Variants in MYO3B observed in about 807,000 individuals in gnomAD.
The protein encoded by MYO3B is myosin-IIIb.
In MYO3B, 156 loss-of-function variants were observed where a neutral mutation model predicts 174.6. The ratio of observed to expected loss-of-function variants is 0.89; its 90% confidence interval spans 0.78 to 1.02. The LOEUF is 1.02. MYO3B is among the 50% of genes least tolerant of loss of function. The pLI is 0.00. For synonymous variants in MYO3B, 563 were observed against 569.1 expected (o/e 0.99, Z 0.15); for missense variants, 1,632 against 1,639.4 (o/e 1.00, Z 0.08).
chr2:170,516,626 G>C (rs1397346766), intron 29 of MYO3B, among the ~76,000 whole-genome samples: 1 of 143,754 alleles, frequency 7.0e-6, no homozygotes, highest in Non-Finnish European at 1.5e-5. Context: ...CTGGGCAACA[G>C]AGCCAGACTC....
intron 7 of MYO3B, among the ~76,000 whole-genome samples, chr2:170,287,323 G>A (rs745889852): frequency 4.6e-5 from 7 of 151,842 alleles, no homozygotes; most frequent in Non-Finnish European, 1.0e-4. Flanking sequence ...CATAGTGGCT[G>A]TACTAATTTG....
At chr2:170,547,637 TTTGG>T (rs745407098) in intron 32 of MYO3B, among the ~76,000 whole-genome samples, 52 of 152,206 alleles carry the variant, frequency 3.4e-4, no homozygotes, top group Non-Finnish European at 4.3e-4. Context: ...AAGGCCAGTT[TTTGG>T]TTGGTTGTTT....
chr2:170,650,859 T>C (rs1698956191), intron 32 of MYO3B, among the ~76,000 whole-genome samples: 1 of 151,722 alleles, frequency 6.6e-6, no homozygotes, highest in Admixed American at 6.6e-5. Flanking sequence ...AATTTTTGTA[T>C]TTTTAGTAGA....
At chr2:170,511,630 T>C (rs745881495) in intron 28 of MYO3B, among the ~76,000 whole-genome samples, 3 of 152,242 alleles carry the variant, frequency 2.0e-5, no homozygotes, top group Non-Finnish European at 4.4e-5. Context: ...AGATAGAAGC[T>C]AGGAAATCTC....
At chr2:170,430,588 T>G (rs2094701174) in intron 22 of MYO3B, among the ~76,000 whole-genome samples, 1 of 152,130 alleles carries the variant, frequency 6.6e-6, no homozygotes, top group South Asian at 2.1e-4. Context: ...TCCAGGCTGG[T>G]CTTGAACTCT....
At chr2:170,443,803 T>G (rs1289789547) in intron 22 of MYO3B, among the ~76,000 whole-genome samples, 164 bp from the exon 23 acceptor site, 1 of 151,604 alleles carries the variant, frequency 6.6e-6, no homozygotes, top group East Asian at 1.9e-4. Flanking sequence ...TATTATAATT[T>G]ATAATTTATA....
intron 32 of MYO3B, among the ~76,000 whole-genome samples, chr2:170,621,561 G>A (rs1038975358): frequency 1.3e-5 from 2 of 150,958 alleles, no homozygotes; most frequent in African/African-American, 4.9e-5. Context: ...CCAGGCTGGA[G>A]TGCAGTGGTG....
intron 25 of MYO3B, among the ~76,000 whole-genome samples, chr2:170,492,054 A>C (rs941963862): frequency 1.2e-5 from 1 of 80,162 alleles, no homozygotes; most frequent in African/African-American, 3.6e-5. Context: ...ACTCCGTCTC[A>C]AAAAAAAAAA....
intron 32 of MYO3B, among the ~76,000 whole-genome samples, chr2:170,585,829 A>T (rs1178836168): frequency 2.0e-5 from 3 of 152,074 alleles, no homozygotes; most frequent in Admixed American, 6.5e-5. Flanking sequence ...AGGCGGGTGG[A>T]TCACTTGAGG....
chr2:170,222,603 A>G (rs1290910348), intron 6 of MYO3B, among the ~76,000 whole-genome samples: 1 of 152,076 alleles, frequency 6.6e-6, no homozygotes, highest in Non-Finnish European at 1.5e-5. Context: ...GTGTCTTCAC[A>G]TGTCCATGAC....
chr2:170,226,380 G>A (rs1042413160), intron 6 of MYO3B, among the ~76,000 whole-genome samples: 1 of 152,222 alleles, frequency 6.6e-6, no homozygotes, highest in African/African-American at 2.4e-5. Flanking sequence ...CAAAGAAACA[G>A]ATTCCTTCTC....
intron 16 of MYO3B, among the ~76,000 whole-genome samples, chr2:170,399,667 G>A (rs946841690): frequency 2.0e-5 from 3 of 152,024 alleles, no homozygotes; most frequent in Non-Finnish European, 2.9e-5. Flanking sequence ...TCATAAAAGC[G>A]ATATTCAAAA....
At chr2:170,299,792 T>C (rs2093653779) in intron 7 of MYO3B, among the ~76,000 whole-genome samples, 1 of 152,224 alleles carries the variant, frequency 6.6e-6, no homozygotes, top group African/African-American at 2.4e-5. Flanking sequence ...AGGGTAAAGA[T>C]ATTTTCATCG....
At chr2:170,398,228 GAAAA>G (rs34432719) in intron 16 of MYO3B, among the ~76,000 whole-genome samples, 34,400 of 87,220 alleles carry the variant, frequency 0.39, 3,433 homozygotes, top group Non-Finnish European at 0.45. Flanking sequence ...TGTCTCAAAA[GAAAA>G]AAAAAAAAAA....
rs372758340 is a variant in MYO3B at position 170,501,775 on chromosome 2, A to T, written c.3290-10A>T. Reference sequence around the variant, plus strand: ...AATGTCATTCCTAGCACATGGTTTTATATTTTTAGCCTGGAGAGGATATGA... The same window carrying T: ...AATGTCATTCCTAGCACATGGTTTTTTATTTTTAGCCTGGAGAGGATATGA... On this transcript the variant is annotated splice_polypyrimidine_tract_variant and intron_variant, in intron 27 of 34. Coordinates refer to ENST00000408978, the MANE Select transcript of MYO3B (RefSeq NM_138995.5). 152 of 1,591,486 alleles carry T rather than the reference A, an allele frequency of 9.6e-5. No individual in the cohort carries two copies. The highest frequency in any genetic ancestry group is 1.3e-4 in the Non-Finnish European group (148 of 1,160,452).
At chr2:170,594,391 G>T (rs990454246) in intron 32 of MYO3B, among the ~76,000 whole-genome samples, 1 of 152,140 alleles carries the variant, frequency 6.6e-6, no homozygotes, top group Admixed American at 6.6e-5. Context: ...GGCTTGCAGG[G>T]GACAGCAGGA....
intron 3 of MYO3B, among the ~76,000 whole-genome samples, chr2:170,209,376 A>G (rs1351839115): frequency 6.6e-6 from 1 of 152,220 alleles, no homozygotes; most frequent in Non-Finnish European, 1.5e-5. Flanking sequence ...TCTGAAAAAC[A>G]AAACAAGGGT....
chr2:170,422,193 T>TTTG (rs374107691), intron 22 of MYO3B, among the ~76,000 whole-genome samples: 1,940 of 152,118 alleles, frequency 0.013, 30 homozygotes, highest in African/African-American at 0.027. Flanking sequence ...CTTGAGTTGC[T>TTTG]TTGTTGTTGT....
chr2:170,375,329 G>C (rs1401865013), intron 9 of MYO3B, among the ~76,000 whole-genome samples: 1 of 152,110 alleles, frequency 6.6e-6, no homozygotes, highest in Non-Finnish European at 1.5e-5. Context: ...AGTGGAGGCA[G>C]GGAAAGGACT....
Sources: allele counts gnomAD v4.1 joint callset (sites outside exome capture counted in the v4.1 genomes callset), GRCh38; gene constraint gnomAD v4.1.1; transcripts MANE v1.5; gene names NCBI Gene and HGNC (gene_info 2026-07-23, HGNC 2026-07-21).